Variants in DHRS2 observed in about 807,000 individuals in gnomAD.
DHRS2 encodes the protein dehydrogenase/reductase SDR family member 2, mitochondrial.
Under a neutral mutation model 26.3 loss-of-function variants are expected in DHRS2, and 29 were observed. The ratio of observed to expected loss-of-function variants is 1.10; its 90% CI spans 0.82 to 1.50. DHRS2 has a LOEUF of 1.50. Among genes scored for constraint, DHRS2 ranks in the 40% most tolerant of loss-of-function variants. DHRS2 has a pLI of 0.00. For missense variants in DHRS2, 439 were observed against 367.1 expected (o/e 1.20, Z -1.60); for synonymous variants, 164 against 151.3 (o/e 1.08, Z -0.62).
chr14:23,634,033 G>A (rs890251640), upstream of DHRS2, among the ~76,000 whole-genome samples: 13 of 146,714 alleles, frequency 8.9e-5, no homozygotes, highest in African/African-American at 2.8e-4. Flanking sequence ...TTGCCAGCAC[G>A]CTAGAAGCTC....
chr14:23,631,348 C>T (rs972289325), intron 1 of DHRS2, among the ~76,000 whole-genome samples: 6 of 151,632 alleles, frequency 4.0e-5, no homozygotes, highest in African/African-American at 1.5e-4. Flanking sequence ...GCATGTCCAA[C>T]CCTGTATTCC....
intron 6 of DHRS2, 21 bp from the exon 7 acceptor site, chr14:23,644,388 C>G (rs1355941674): frequency 6.2e-7 from 1 of 1,613,858 alleles, no homozygotes; most frequent in Non-Finnish European, 8.5e-7. Flanking sequence ...ATCCTAATCA[C>G]TCTGTCAATT....
chr14:23,635,069 CTT>C (rs796928235), upstream of DHRS2, among the ~76,000 whole-genome samples: 1 of 146,968 alleles, frequency 6.8e-6, no homozygotes, highest in African/African-American at 2.5e-5. Flanking sequence ...TCAGGTAGTT[CTT>C]TTTTTTTTTG....
intron 7 of DHRS2, 109 bp from the exon 8 acceptor site, chr14:23,644,718 C>T (rs2138395929): frequency 6.6e-7 from 1 of 1,507,174 alleles, no homozygotes; most frequent in Non-Finnish European, 9.2e-7. Context: ...GATGCTCCTT[C>T]TTTTGAGAAG....
chr14:23,630,212 C>G (rs1890085104), exon 1 of DHRS2: 1 of 152,296 alleles, frequency 6.6e-6, no homozygotes, highest in Non-Finnish European at 1.5e-5. Flanking sequence ...AAACTGCACT[C>G]CAGACAGACA....
chr14:23,639,891 A>G lies in DHRS2; in HGVS notation c.416A>G (p.Asp139Gly), dbSNP rs370188934. ...STLGTSEQIW[D>G]KILSVNVKSP... ...CTGGGGACCAGTGAGCAGATCTGGGACAAGGTGAGAGGCCTCCCCTGGGGA... is the reference window on the plus strand; with the variant it reads ...CTGGGGACCAGTGAGCAGATCTGGGGCAAGGTGAGAGGCCTCCCCTGGGGA... The change falls in exon 4 of 9, where the codon GAC becomes GGC. Residue 139 changes from aspartate to glycine, a missense_variant. Asp to Gly is a moderately conservative substitution (Grantham distance 94). Coordinates refer to ENST00000250383, the MANE Select transcript of DHRS2 (RefSeq NM_005794.4). The G allele has an allele frequency of 5.3e-5, 84 of 1,599,898 alleles. No individual in the cohort carries two copies. Among genetic ancestry groups the G allele is most frequent in the Non-Finnish European group, 6.6e-5 (78 of 1,173,140 alleles).
intron 2 of DHRS2, 59 bp from the exon 3 acceptor site, chr14:23,639,120 A>G: frequency 6.3e-7 from 1 of 1,599,426 alleles, no homozygotes; most frequent in East Asian, 2.2e-5. Context: ...AGAGCTGGGT[A>G]GAGGAAGGAC....
At chr14:23,641,854 G>A in intron 4 of DHRS2, 1 of 1,237,434 alleles carries the variant, frequency 8.1e-7, no homozygotes, top group Non-Finnish European at 1.0e-6. Context: ...GAACAGTCCT[G>A]GTGAGTTGCA....
intron 3 of DHRS2, 56 bp from the exon 4 acceptor site, chr14:23,639,738 G>A: frequency 1.3e-6 from 2 of 1,519,848 alleles, no homozygotes; most frequent in Non-Finnish European, 1.8e-6. Context: ...GGGCTGCCCT[G>A]GGAGGGATAG....
chr14:23,643,272 A>T (rs1890742178), intron 5 of DHRS2, 53 bp downstream of exon 5: 1 of 1,528,912 alleles, frequency 6.5e-7, no homozygotes, highest in Non-Finnish European at 9.1e-7. Context: ...TGAGGTGGGC[A>T]CAGAAATACA....
rs1211424385 is a variant in DHRS2, at chr14:23,636,767, C to G, written c.-44C>G. 1 of 152,226 alleles carries G rather than the reference C, an allele frequency of 6.6e-6. No individual in the cohort carries two copies. The highest frequency in any genetic ancestry group is 1.5e-5 in the Non-Finnish European group (1 of 68,052). The allele number at this position is 152,226 out of a possible 1,614,324, so 9.4% of individuals were successfully genotyped here. A position where few individuals can be genotyped will look rare whatever the true frequency, so the allele number is the denominator to read the frequency against. On this transcript the variant is annotated 5_prime_UTR_variant, in exon 1 of 9. Transcript: ENST00000250383. Reference sequence around the variant, plus strand: ...AAGCGGTGAGACTATCACCTATCGCCAAGTGGTGAGTACCATCAGATCCCT... The same window carrying G: ...AAGCGGTGAGACTATCACCTATCGCGAAGTGGTGAGTACCATCAGATCCCT...
Position 23,639,301 on chromosome 14 carries a change from C to T in DHRS2, c.263C>T (p.Ala88Val), listed in dbSNP as rs562246921. The change falls in exon 3 of 9, where the codon GCG becomes GTG. Residue 88 changes from alanine (A) to valine (V), a missense_variant. Physicochemically the swap from Ala to Val is moderately conservative, Grantham distance 64 (BLOSUM62 0). Coordinates refer to ENST00000250383, the MANE Select transcript of DHRS2 (RefSeq NM_005794.4). ...AKLQGEGLSV[A>V]GIVCHVGKAE... ...CTGCAGGGGGAGGGGCTGAGTGTGG[C>T]GGGCATTGTGTGCCACGTGGGGAAG... The T allele has an allele frequency of 1.8e-5, 28 of 1,597,978 alleles. No homozygotes were observed. Among genetic ancestry groups the T allele is most frequent in the East Asian group, 4.5e-5 (2 of 44,796 alleles).
rs764483650 is a variant in DHRS2 at position 23,638,861 on chromosome 14, C to A, written c.-4C>A. ...AGCAGGAAGCATCTCAGACACCAAC[C>A]ACTATGCTGTCAGCAGTTGCCCGGG... On this transcript the variant is annotated 5_prime_UTR_variant, in exon 2 of 9. Transcript: ENST00000250383. 1.2e-6 allele frequency: 2 copies of A among 1,613,170 alleles called. No individual in the cohort carries two copies. Among genetic ancestry groups the A allele is most frequent in the South Asian group, 1.1e-5 (1 of 90,934 alleles).
At chr14:23,635,575 C>T (rs1463223324), upstream of DHRS2, among the ~76,000 whole-genome samples, 1 of 152,248 alleles carries the variant, frequency 6.6e-6, no homozygotes, top group African/African-American at 2.4e-5. Flanking sequence ...TACTTACCCT[C>T]TACCCAGCAG....
intron 1 of DHRS2, among the ~76,000 whole-genome samples, chr14:23,636,996 C>T (rs1006538387): frequency 6.6e-6 from 1 of 152,150 alleles, no homozygotes; most frequent in Admixed American, 6.5e-5. Context: ...TTTTCCTGTA[C>T]TTCTGGGCTG....
At chr14:23,633,221 G>C (rs114028345), upstream of DHRS2, among the ~76,000 whole-genome samples, 1,379 of 152,256 alleles carry the variant, frequency 9.1e-3, 26 homozygotes, top group African/African-American at 0.032. Context: ...GAGGCACACC[G>C]TTCCCTTCTG....
chr14:23,643,860 G>A (rs1322801762), intron 5 of DHRS2: 4 of 526,244 alleles, frequency 7.6e-6, no homozygotes, highest in Non-Finnish European at 1.4e-5. Flanking sequence ...CCTGGCAAGA[G>A]AGGAAGCAGA....
intron 5 of DHRS2, 91 bp downstream of exon 5, chr14:23,643,310 A>G: frequency 8.6e-7 from 1 of 1,156,656 alleles, no homozygotes; most frequent in South Asian, 1.3e-5. Context: ...TAGTGGGTAG[A>G]GGACAGAAGA....
chr14:23,641,548 G>A, intron 4 of DHRS2: 1 of 1,236,052 alleles, frequency 8.1e-7, no homozygotes, highest in Non-Finnish European at 1.0e-6. Flanking sequence ...TCTTACCTCA[G>A]CCCCTCACTC....
Sources: gnomAD v4.1 joint callset for allele counts (sites outside exome capture counted in the v4.1 genomes callset) on GRCh38, gnomAD v4.1.1 for gene constraint, MANE v1.5 for transcripts, NCBI Gene and HGNC (gene_info 2026-07-23, HGNC 2026-07-21) for gene names.